Variants in TRIM10 observed in about 807,000 individuals in gnomAD.
TRIM10 encodes the protein tripartite motif containing 10.
TRIM10 carries 42 observed loss-of-function variants against 40.0 expected under a neutral mutation model. That is an observed-to-expected ratio of 1.05 (90% CI 0.82 to 1.36). The LOEUF is 1.36. TRIM10 is among the 40% of genes most tolerant of loss of function. TRIM10 has a pLI of 0.00. For missense variants in TRIM10, 601 were observed against 608.3 expected (o/e 0.99, Z 0.13); for synonymous variants, 260 against 239.5 (o/e 1.09, Z -0.79).
At chr6:30,159,107 C>T (rs1366636793) in intron 2 of TRIM10, 43 bp downstream of exon 2, 1 of 1,331,120 alleles carries the variant, frequency 7.5e-7, no homozygotes, top group Non-Finnish European at 1.1e-6. Flanking sequence ...AGACACTGGA[C>T]CCTGAGGAAG....
upstream of TRIM10, among the ~76,000 whole-genome samples, chr6:30,161,769 A>G (rs1379495160): frequency 6.6e-6 from 1 of 152,226 alleles, no homozygotes; most frequent in Non-Finnish European, 1.5e-5. Flanking sequence ...CTTCCGAGCA[A>G]TGCTATTCAA....
intron 5 of TRIM10, among the ~76,000 whole-genome samples, chr6:30,156,533 C>A (rs2127439975): frequency 6.6e-6 from 1 of 152,254 alleles, no homozygotes; most frequent in African/African-American, 2.4e-5. Flanking sequence ...GAGCCAGATA[C>A]CACAGGGTCA....
chr6:30,163,541 C>T, upstream of TRIM10: 1 of 1,080,830 alleles, frequency 9.3e-7, no homozygotes, highest in African/African-American at 1.6e-5. Flanking sequence ...GGCATTCTTG[C>T]CTCTCTCTCT....
rs112920636 is a variant in TRIM10 at position 30,154,611 on chromosome 6, C to T, written c.929-125G>A. On this transcript the variant is annotated intron_variant, in intron 6 of 6. Transcript: ENST00000449742. ...TTACCAAAAACATGTATAGTGCCTA[C>T]GTGGGCCAACAGTGTGGAACCACCT... 4.0e-3 allele frequency: 4,955 copies of T among 1,245,878 alleles called. 26 individuals carry two copies. Among genetic ancestry groups the T allele is most frequent in the Non-Finnish European group, 5.1e-3 (4,441 of 878,700 alleles). The allele number at this position is 1,245,878 out of a possible 1,614,324, so 77.2% of individuals were successfully genotyped here.
At chr6:30,163,707 A>T, upstream of TRIM10, 1 of 1,611,024 alleles carries the variant, frequency 6.2e-7, no homozygotes, top group Non-Finnish European at 8.5e-7. Context: ...CCGTCCCTGA[A>T]GGTGGTCCAT....
Position 30,155,775 on chromosome 6 carries a change from A to G in TRIM10, c.896-16T>C. 1 of 1,612,180 alleles carries G rather than the reference A, an allele frequency of 6.2e-7. No individual in the cohort carries two copies. The highest frequency in any genetic ancestry group is 8.5e-7 in the Non-Finnish European group (1 of 1,179,582). ...CATAGTTTTTCTGTAAAGAAAATAAACCAGGATGAGATTTTATTAGTCTTA... is the reference window on the plus strand; with the variant it reads ...CATAGTTTTTCTGTAAAGAAAATAAGCCAGGATGAGATTTTATTAGTCTTA... On this transcript the variant is annotated splice_polypyrimidine_tract_variant and intron_variant, in intron 5 of 6. Transcript: ENST00000449742.
chr6:30,157,020 C>G lies in TRIM10; in HGVS notation c.814G>C (p.Val272Leu). 1.2e-6 allele frequency: 2 copies of G among 1,613,090 alleles called. No homozygotes were observed. Among genetic ancestry groups the G allele is most frequent in the African/African-American group, 2.7e-5 (2 of 75,060 alleles). The change falls in exon 5 of 7, where the codon GTG (valine) becomes CTG (leucine). Residue 272 changes from valine (V) to leucine (L), a missense_variant. Coordinates refer to ENST00000449742, the MANE Select transcript of TRIM10 (RefSeq NM_006778.4). ...ETRKCRKPVA[V>L]SPELGQRIRD... is the part of the protein sequence containing the mutation. ...ATCCTCTGGCCCAGCTCTGGCGACA[C>G]AGCCACCGGTTTCCGGCACTTTCTG... is the stretch of plus-strand genomic sequence containing the variant.
rs576428211 is a variant in TRIM10, at chr6:30,154,067, G to A, written c.1348C>T (p.Arg450Ter). ...GCAGTGAAGGTGTAGATGGGCTCTCGGGTGACAGCGTTGGTGAAGGTCACC... is the reference window on the plus strand; with the variant it reads ...GCAGTGAAGGTGTAGATGGGCTCTCAGGTGACAGCGTTGGTGAAGGTCACC... ...GWVTFTNAVT[R>*]EPIYTFTASF... The change falls in exon 7 of 7, where the codon CGA becomes TGA. Residue 450 changes from arginine to a stop codon, truncating the protein, a stop_gained. Coordinates refer to ENST00000449742, the MANE Select transcript of TRIM10 (RefSeq NM_006778.4). LOFTEE classifies it high-confidence loss of function. 30 of 1,612,010 alleles carry A rather than the reference G, an allele frequency of 1.9e-5. No individual in the cohort carries two copies. Among genetic ancestry groups the A allele is most frequent in the African/African-American group, 5.4e-5 (4 of 74,700 alleles).
At chr6:30,159,120 G>C in intron 2 of TRIM10, 30 bp downstream of exon 2, 1 of 1,469,714 alleles carries the variant, frequency 6.8e-7, no homozygotes, top group Non-Finnish European at 9.5e-7. Context: ...TGAGGAAGGG[G>C]AGGAACCTGG....
rs1318520985 is a variant in TRIM10 at position 30,154,478 on chromosome 6, A to T, written c.937T>A (p.Ser313Thr). The T allele has an allele frequency of 1.2e-6, 2 of 1,610,562 alleles. No homozygotes were observed. The highest frequency in any genetic ancestry group is 1.7e-6 in the Non-Finnish European group (2 of 1,179,934). Residue 313 changes from serine to threonine, a missense_variant, in exon 7 of 7, where the codon TCT becomes ACT. Ser to Thr is a moderately conservative substitution (Grantham distance 58, BLOSUM62 1). Transcript: ENST00000449742. The part of the protein sequence containing the change: ...FELDYEPAHI[S>T]LDPQTSHPKL... Reference sequence around the variant, plus strand: ...GGGTGGGAAGTCTGAGGGTCTAGAGAAATGTGAGCTGTGGGGATAACCAAA... The same window carrying T: ...GGGTGGGAAGTCTGAGGGTCTAGAGTAATGTGAGCTGTGGGGATAACCAAA...
intron 1 of TRIM10, 94 bp from the exon 2 acceptor site, chr6:30,159,339 C>T (rs1453882320): frequency 2.4e-6 from 2 of 847,912 alleles, no homozygotes; most frequent in Non-Finnish European, 3.9e-6. Context: ...ATGAAATGGC[C>T]CCAGGAGAGG....
chr6:30,158,755 T>C (rs1315467835), intron 2 of TRIM10, 126 bp from the exon 3 acceptor site: 5 of 793,078 alleles, frequency 6.3e-6, no homozygotes, highest in Non-Finnish European at 1.1e-5. Context: ...TGTCATCCCA[T>C]TTCGAGAAGC....
At chr6:30,158,954 CATG>C (rs1772830326) in intron 2 of TRIM10, among the ~76,000 whole-genome samples, 193 bp downstream of exon 2, 1 of 152,180 alleles carries the variant, frequency 6.6e-6, no homozygotes, top group Non-Finnish European at 1.5e-5. Context: ...TCAATGAGGT[CATG>C]ATGATTTTTA....
At chr6:30,156,374 G>C (rs1451666390) in intron 5 of TRIM10, among the ~76,000 whole-genome samples, 5 of 152,146 alleles carry the variant, frequency 3.3e-5, no homozygotes, top group African/African-American at 1.2e-4. Context: ...TTGGCAGAGA[G>C]CCATGTCCCA....
chr6:30,157,420 T>G, intron 3 of TRIM10, 29 bp from the exon 4 acceptor site: 1 of 1,586,754 alleles, frequency 6.3e-7, no homozygotes, highest in South Asian at 1.2e-5. Context: ...AGAAATTCAG[T>G]TTCCAGCTTC....
At chr6:30,163,596 C>G (rs1258155769), upstream of TRIM10, 2 of 1,421,800 alleles carry the variant, frequency 1.4e-6, no homozygotes, top group African/African-American at 2.9e-5. Flanking sequence ...TTTCCCTCTG[C>G]GATTCATGTA....
In TRIM10 at chr6:30,159,175, T is replaced by A; in HGVS notation, c.500A>T (p.Glu167Val). 1 of 1,612,054 alleles carries A rather than the reference T, an allele frequency of 6.2e-7. No individual in the cohort carries two copies. Among genetic ancestry groups the A allele is most frequent in the East Asian group, 2.2e-5 (1 of 44,884 alleles). Reference protein sequence around the residue: ...REEIQEIQSRENKRMQVLLTQ... With the variant: ...REEIQEIQSRVNKRMQVLLTQ... ...CAGGAGGACTTGCATCCTTTTATTT[T>A]CTCTTGACTGGATTTCTTGAATCTC... is the stretch of plus-strand genomic sequence containing the variant. Residue 167 changes from glutamate to valine, a missense_variant, in exon 2 of 7, where the codon GAA becomes GTA. Coordinates refer to ENST00000449742, the MANE Select transcript of TRIM10 (RefSeq NM_006778.4).
intron 3 of TRIM10, 86 bp from the exon 4 acceptor site, chr6:30,157,477 A>T: frequency 7.3e-7 from 1 of 1,363,862 alleles, no homozygotes; most frequent in South Asian, 1.3e-5. Flanking sequence ...TATTTTATTT[A>T]TTTTTTATTT....
upstream of TRIM10, chr6:30,163,808 G>A (rs17194467): frequency 0.045 from 72,723 of 1,612,934 alleles, 1,880 homozygotes; most frequent in Non-Finnish European, 0.053. Context: ...CTGCCTCCCC[G>A]CGCTCTCCCA....
Sources: allele counts gnomAD v4.1 joint callset (sites outside exome capture counted in the v4.1 genomes callset), GRCh38; gene constraint gnomAD v4.1.1; transcripts MANE v1.5; gene names NCBI Gene and HGNC (gene_info 2026-07-23, HGNC 2026-07-21).